Variants in RALGPS1 observed in about 807,000 individuals in gnomAD.
The protein encoded by RALGPS1 is ras-specific guanine nucleotide-releasing factor RalGPS1.
RALGPS1 carries 19 observed loss-of-function variants against 78.8 expected under a neutral mutation model. The ratio of observed to expected loss-of-function variants is 0.24; its 90% CI spans 0.17 to 0.35. The LOEUF (loss-of-function observed/expected upper bound fraction) is 0.35, where lower values mean the gene tolerates loss of function less well. Among genes scored for constraint, RALGPS1 ranks in the 10% least tolerant of loss-of-function variants. The pLI is 1.00. For synonymous variants in RALGPS1, 228 were observed against 256.3 expected, an observed-to-expected ratio of 0.89 and a Z score of 1.06; for missense variants, 454 against 688.3, an observed-to-expected ratio of 0.66 and a Z score of 3.81.
chr9:127,151,049 T>G (rs56230717), intron 8 of RALGPS1, among the ~76,000 whole-genome samples: 7,054 of 152,052 alleles, frequency 0.046, 236 homozygotes, highest in Non-Finnish European at 0.07. Context: ...CTGGGTATGG[T>G]GGCACACGCC....
At chr9:127,043,939 G>A (rs1244806438) in intron 5 of RALGPS1, among the ~76,000 whole-genome samples, 1 of 152,174 alleles carries the variant, frequency 6.6e-6, no homozygotes, top group African/African-American at 2.4e-5. Context: ...AACACCAATT[G>A]CCGTCAAAGA....
chr9:127,158,877 A>T (rs1211770912), intron 8 of RALGPS1, among the ~76,000 whole-genome samples: 1 of 151,602 alleles, frequency 6.6e-6, no homozygotes, highest in African/African-American at 2.4e-5. Context: ...TTTCCCAAAT[A>T]ATTATTTTTA....
At chr9:127,191,977 G>A (rs956333171) in intron 11 of RALGPS1, among the ~76,000 whole-genome samples, 5 of 152,206 alleles carry the variant, frequency 3.3e-5, no homozygotes, top group Non-Finnish European at 7.3e-5. Flanking sequence ...GATTAGAGGC[G>A]TGAGCCACGG....
At chr9:127,088,967 A>G in intron 8 of RALGPS1, 1 of 1,614,136 alleles carries the variant, frequency 6.2e-7, no homozygotes, top group Non-Finnish European at 8.5e-7. Context: ...GTTCGGTCGG[A>G]TCATCATCAC....
intron 8 of RALGPS1, among the ~76,000 whole-genome samples, chr9:127,121,124 G>A (rs1201596430): frequency 1.3e-5 from 2 of 152,194 alleles, no homozygotes; most frequent in East Asian, 1.9e-4. Flanking sequence ...AAACAGGGAT[G>A]AATAATAATG....
intron 7 of RALGPS1, among the ~76,000 whole-genome samples, chr9:127,056,589 A>G (rs1462562880): frequency 2.6e-5 from 4 of 151,972 alleles, no homozygotes; most frequent in African/African-American, 7.3e-5. Context: ...CTTTCATCCA[A>G]ATCACCCCCA....
intron 14 of RALGPS1, among the ~76,000 whole-genome samples, chr9:127,204,812 C>G (rs1410274258): frequency 6.6e-6 from 1 of 152,232 alleles, no homozygotes; most frequent in African/African-American, 2.4e-5. Flanking sequence ...ACCAAGTCTC[C>G]TGCCCCAAAA....
At chr9:127,074,008 A>C (rs2050460180) in intron 8 of RALGPS1, among the ~76,000 whole-genome samples, 1 of 151,980 alleles carries the variant, frequency 6.6e-6, no homozygotes, top group Non-Finnish European at 1.5e-5. Flanking sequence ...CAGCCTTCCG[A>C]GTAGCTGGGA....
At chr9:127,209,566 A>G (rs2062122565) in intron 14 of RALGPS1, among the ~76,000 whole-genome samples, 2 of 152,140 alleles carry the variant, frequency 1.3e-5, no homozygotes, top group Admixed American at 1.3e-4. Flanking sequence ...TGGGGGTCCA[A>G]GCACATGCTA....
intron 4 of RALGPS1, among the ~76,000 whole-genome samples, chr9:127,016,039 A>AC (rs2044788603): frequency 6.7e-6 from 1 of 149,054 alleles, no homozygotes; most frequent in African/African-American, 2.5e-5. Flanking sequence ...TTTTTCTGGA[A>AC]CCTGAGTTTT....
intron 8 of RALGPS1, among the ~76,000 whole-genome samples, chr9:127,147,726 A>G (rs557338760): frequency 6.6e-6 from 1 of 152,292 alleles, no homozygotes; most frequent in South Asian, 2.1e-4. Context: ...TATTCCCTCG[A>G]TACATATTTA....
intron 11 of RALGPS1, among the ~76,000 whole-genome samples, chr9:127,184,868 G>A (rs1398156971): frequency 6.6e-6 from 1 of 152,228 alleles, no homozygotes; most frequent in Non-Finnish European, 1.5e-5. Context: ...TCTGATGTGC[G>A]ATACTTGGAA....
At chr9:127,056,379 G>A (rs1425749006) in intron 7 of RALGPS1, among the ~76,000 whole-genome samples, 1 of 152,160 alleles carries the variant, frequency 6.6e-6, no homozygotes, top group African/African-American at 2.4e-5. Context: ...GAGAGGAGGT[G>A]ATACACACTG....
chr9:127,184,010 C>T, intron 11 of RALGPS1: 1 of 1,549,812 alleles, frequency 6.5e-7, no homozygotes, highest in East Asian at 2.4e-5. Flanking sequence ...TCCGCGCTCC[C>T]CGTGGCCTAG....
At chr9:127,106,037 A>T (rs1005998090) in intron 8 of RALGPS1, among the ~76,000 whole-genome samples, 3 of 152,252 alleles carry the variant, frequency 2.0e-5, no homozygotes, top group African/African-American at 7.2e-5. Context: ...TCATGAGCGA[A>T]CAGCTAACCA....
In RALGPS1 at chr9:126,956,248, GC is replaced by G. The variant is rs200808270; in HGVS notation, c.-65-5976del. ...TCTGGGTAGGGAAGCTGTTCTCAGG[GC>G]GGGGCTAGGCCAGGCTAACCCCCTC... is the stretch of plus-strand genomic sequence containing the variant. On this transcript the variant is annotated intron_variant, in intron 1 of 18. Transcript: ENST00000259351. Among the ~76,000 whole-genome samples, 237 of 152,096 alleles carry G rather than the reference GC, an allele frequency of 1.6e-3. 2 individuals carry two copies. The highest frequency in any genetic ancestry group is 2.9e-3 in the East Asian group (15 of 5,158).
At position 127,150,603 on chromosome 9, in the gene RALGPS1, C is replaced by T. The variant is rs1316537200; in HGVS notation, c.611-15466C>T. 5.9e-5 allele frequency among the ~76,000 whole-genome samples: 9 copies of T among 152,224 alleles called. No individual in the cohort carries two copies. In the East Asian group the frequency reaches 1.5e-3, roughly 26 times the overall value. On this transcript the variant is annotated intron_variant, in intron 8 of 18. Transcript: ENST00000259351. ...GCTCCTGCTTCCTGCATTTGAGATG[C>T]TCGTGCTCAGGGAGTTGGCATGAGG...
chr9:127,086,468 A>G (rs183387977), intron 8 of RALGPS1, among the ~76,000 whole-genome samples: 3 of 152,294 alleles, frequency 2.0e-5, no homozygotes, highest in East Asian at 1.9e-4. Context: ...TCTGATTACT[A>G]CTGAGGTTGA....
chr9:127,027,129 C>T (rs2046024371), intron 4 of RALGPS1, among the ~76,000 whole-genome samples: 2 of 152,160 alleles, frequency 1.3e-5, no homozygotes, highest in South Asian at 2.1e-4. Context: ...TTTCTGTTTT[C>T]GTTTAATCAA....
Sources: allele counts gnomAD v4.1 joint callset (sites outside exome capture counted in the v4.1 genomes callset), GRCh38; gene constraint gnomAD v4.1.1; transcripts MANE v1.5; gene names NCBI Gene and HGNC (gene_info 2026-07-23, HGNC 2026-07-21).